The following PTPRN2 variants were observed in gnomAD, a reference collection of about 807,000 sequenced individuals.
PTPRN2 encodes protein tyrosine phosphatase receptor type N2, also known as receptor-type tyrosine-protein phosphatase N2.
In PTPRN2, 74 loss-of-function variants were observed where a neutral mutation model predicts 118.8. The ratio of observed to expected loss-of-function variants is 0.62; its 90% CI spans 0.52 to 0.76. The LOEUF (loss-of-function observed/expected upper bound fraction) is 0.76. Among genes scored for constraint, PTPRN2 ranks in the 30% least tolerant of loss-of-function variants. The probability of loss-of-function intolerance (pLI) is 0.00; values close to 1 mark genes in which losing one functional copy is unlikely to be tolerated. For synonymous variants in PTPRN2, 641 were observed against 608.0 expected (o/e 1.05, Z -0.80); for missense variants, 1,481 against 1,394.4 (o/e 1.06, Z -0.99).
chr7:158,432,348 C>T (rs761238126), intron 2 of PTPRN2, among the ~76,000 whole-genome samples: 2 of 152,220 alleles, frequency 1.3e-5, no homozygotes, highest in Non-Finnish European at 2.9e-5. Flanking sequence ...CAAGCTAGGG[C>T]TGACTACAAA....
intron 11 of PTPRN2, among the ~76,000 whole-genome samples, chr7:157,912,923 G>T (rs773062214): frequency 6.6e-6 from 1 of 152,174 alleles, no homozygotes; most frequent in Admixed American, 6.5e-5. Flanking sequence ...ACGAAGGCAG[G>T]TGTTGGCTCT....
intron 12 of PTPRN2, among the ~76,000 whole-genome samples, chr7:157,846,678 G>C (rs975737487): frequency 6.6e-6 from 1 of 151,872 alleles, no homozygotes; most frequent in African/African-American, 2.4e-5. Flanking sequence ...ATGCGTGCCC[G>C]ATGTCTACAG....
chr7:157,810,271 CG>C (rs1805907047), intron 12 of PTPRN2, among the ~76,000 whole-genome samples: 2 of 152,380 alleles, frequency 1.3e-5, no homozygotes, highest in Admixed American at 6.5e-5. Flanking sequence ...CACCATCCCC[CG>C]TGATCCCAAA....
intron 3 of PTPRN2, among the ~76,000 whole-genome samples, chr7:158,260,935 G>A (rs910122352): frequency 1.3e-5 from 2 of 152,144 alleles, no homozygotes; most frequent in African/African-American, 2.4e-5. Flanking sequence ...GGGGAGGAGA[G>A]AGGAGGCAGA....
chr7:157,884,213 C>A (rs531845748), intron 12 of PTPRN2, among the ~76,000 whole-genome samples: 3 of 152,018 alleles, frequency 2.0e-5, no homozygotes, highest in Non-Finnish European at 4.4e-5. Flanking sequence ...CTGTCAGAGA[C>A]CAGAACATAG....
intron 11 of PTPRN2, among the ~76,000 whole-genome samples, chr7:158,055,574 C>T (rs545285688): frequency 6.6e-6 from 1 of 152,330 alleles, no homozygotes; most frequent in East Asian, 1.9e-4. Context: ...CCATCCTGTA[C>T]ACCTGGCTCT....
At chr7:157,870,287 G>C (rs1419521758) in intron 12 of PTPRN2, among the ~76,000 whole-genome samples, 1 of 152,148 alleles carries the variant, frequency 6.6e-6, no homozygotes, top group African/African-American at 2.4e-5. Flanking sequence ...ATATAAACAA[G>C]GTTAATTTTT....
chr7:158,454,136 C>T (rs111575907), intron 2 of PTPRN2, among the ~76,000 whole-genome samples: 8 of 146,028 alleles, frequency 5.5e-5, no homozygotes, highest in Non-Finnish European at 1.1e-4. Flanking sequence ...ACACAATCAC[C>T]GATGTCAGGA....
In PTPRN2 at chr7:157,974,544, C is replaced by T. The variant is rs775127802; in HGVS notation, c.1724-75807G>A. ...CCATGGGACGATGTGACTGGGGGCT[C>T]GTCCATGCCTTGTCGTGGACATCTC... On this transcript the variant is annotated intron_variant, in intron 11 of 22. Coordinates refer to ENST00000389418, the MANE Select transcript of PTPRN2 (RefSeq NM_002847.5). This position sits in a 1 kb window ranked among gnomAD's most constrained non-coding sequence, Gnocchi z 4.0. Among the ~76,000 whole-genome samples the T allele has an allele frequency of 6.6e-6, 1 of 152,076 alleles. No homozygotes were observed. Among genetic ancestry groups the T allele is most frequent in the Admixed American group, 6.5e-5 (1 of 15,278 alleles).
In PTPRN2 at chr7:157,874,906, C is replaced by T. The variant is rs1414145545; in HGVS notation, c.1788+23767G>A. 6.6e-6 allele frequency among the ~76,000 whole-genome samples: 1 copy of T among 152,064 alleles called. No homozygotes were observed. Among genetic ancestry groups the T allele is most frequent in the Non-Finnish European group, 1.5e-5 (1 of 67,990 alleles). On this transcript the variant is annotated intron_variant, in intron 12 of 22. Coordinates refer to ENST00000389418, the MANE Select transcript of PTPRN2 (RefSeq NM_002847.5). The surrounding 1 kb of genome is among the most constrained non-coding windows in gnomAD (Gnocchi z 5.8). ...ACGGAGACACACTCGTGCACATACA[C>T]ACACACTCATGCACATACACAGAGA...
chr7:157,937,505 G>A (rs58670193), intron 11 of PTPRN2, among the ~76,000 whole-genome samples: 3,447 of 152,298 alleles, frequency 0.023, 119 homozygotes, highest in African/African-American at 0.071. Flanking sequence ...ACTCAGCATC[G>A]GATGAGAGAA....
intron 1 of PTPRN2, among the ~76,000 whole-genome samples, chr7:158,559,771 G>A (rs1251703056): frequency 2.0e-5 from 3 of 152,186 alleles, no homozygotes; most frequent in African/African-American, 7.2e-5. Flanking sequence ...GACCCTGGAA[G>A]GCCTGGAGCA....
At chr7:158,469,626 T>C (rs1380978395) in intron 2 of PTPRN2, among the ~76,000 whole-genome samples, 1 of 152,004 alleles carries the variant, frequency 6.6e-6, no homozygotes, top group Admixed American at 6.6e-5. Flanking sequence ...CGAGAGCGTT[T>C]CTGTTCCTTG....
At chr7:158,188,184 C>CCT (rs1331752050) in intron 5 of PTPRN2, among the ~76,000 whole-genome samples, 41 of 117,776 alleles carry the variant, frequency 3.5e-4, no homozygotes, top group African/African-American at 1.0e-3. Flanking sequence ...ACGCTCGCCC[C>CCT]GCGATGGGGA....
chr7:158,175,601 C>T (rs143933383), intron 5 of PTPRN2, among the ~76,000 whole-genome samples: 5 of 152,258 alleles, frequency 3.3e-5, no homozygotes, highest in East Asian at 3.9e-4. Flanking sequence ...ACAGTGCTGT[C>T]GCCAAGACAA....
chr7:157,971,940 A>G (rs1203632113), intron 11 of PTPRN2, among the ~76,000 whole-genome samples: 1 of 152,262 alleles, frequency 6.6e-6, no homozygotes, highest in Non-Finnish European at 1.5e-5. Flanking sequence ...ATTCACAAAG[A>G]TGTCAGTTCT....
intron 12 of PTPRN2, among the ~76,000 whole-genome samples, chr7:157,860,855 G>A (rs1810181815): frequency 6.6e-6 from 1 of 152,266 alleles, no homozygotes; most frequent in Non-Finnish European, 1.5e-5. Context: ...AGCTCAGGCA[G>A]CAGCTGGCCG....
rs1563072715 is a variant in PTPRN2 at position 158,273,472 on chromosome 7, G to GGCACAAGGGGAGCCA, written c.277+43346_277+43347insTGGCTCCCCTTGTGC. Among the ~76,000 whole-genome samples, 205 of 71,424 alleles carry GGCACAAGGGGAGCCA rather than the reference G, an allele frequency of 2.9e-3. 56 individuals are homozygous for GGCACAAGGGGAGCCA. The highest frequency in any genetic ancestry group is 0.01 in the African/African-American group (83 of 8,024). The allele number at this position is 71,424 out of a possible 152,430, so 46.9% of individuals were successfully genotyped here. A position where few individuals can be genotyped will look rare whatever the true frequency, so the allele number is the denominator to read the frequency against. On this transcript the variant is annotated intron_variant, in intron 3 of 22. Coordinates refer to ENST00000389418, the MANE Select transcript of PTPRN2 (RefSeq NM_002847.5). ...AGGAGCCGCAGACGCAGGGGGAGCC[G>GGCACAAGGGGAGCCA]CAGGCACAGGGGGAGCCGCAGGCAC...
rs1223541291 is a variant in PTPRN2 at position 158,082,038 on chromosome 7, AAGAC to A, written c.1644-665_1644-662del. ...ATTAGGAATCCAGGGTCCATTCCCA[AAGAC>A]AGACAGACTGACCCCATGTCCACAG... On this transcript the variant is annotated intron_variant, in intron 10 of 22. Transcript: ENST00000389418. Among the ~76,000 whole-genome samples, 7 of 152,236 alleles carry A rather than the reference AAGAC, an allele frequency of 4.6e-5. 1 individual carries two copies. The highest frequency in any genetic ancestry group is 1.7e-4 in the African/African-American group (7 of 41,462).
Sources: allele counts gnomAD v4.1 joint callset (sites outside exome capture counted in the v4.1 genomes callset), GRCh38; gene constraint gnomAD v4.1.1; non-coding constraint Gnocchi (gnomAD v3.1); transcripts MANE v1.5; gene names NCBI Gene and HGNC (gene_info 2026-07-23, HGNC 2026-07-21).